SYNE1: variants seen among roughly 807,000 people sequenced by gnomAD.
SYNE1 encodes spectrin repeat containing nuclear envelope protein 1.
A neutral mutation model predicts 1,111.0 loss-of-function variants in SYNE1; 616 were observed. The observed-to-expected ratio is 0.55, with a 90% CI of 0.52 to 0.59. The LOEUF is 0.59. Among genes scored for constraint, SYNE1 ranks in the 20% least tolerant of loss-of-function variants. The pLI, the probability that SYNE1 is intolerant of heterozygous loss-of-function variation, is 0.00. For missense variants in SYNE1, 10,006 were observed against 10,417.0 expected (o/e 0.96, Z 1.72); for synonymous variants, 3,855 against 3,825.8 (o/e 1.01, Z -0.28).
intron 46 of SYNE1, among the ~76,000 whole-genome samples, chr6:152,401,859 G>A (rs1397383283): frequency 6.6e-6 from 1 of 152,030 alleles, no homozygotes; most frequent in Non-Finnish European, 1.5e-5. Flanking sequence ...GACTTCTATG[G>A]CCCCCTAGTT....
rs763330486 is a variant in SYNE1, at chr6:152,329,723, T to C, written c.14955+7A>G. On this transcript the variant is annotated splice_region_variant and intron_variant, in intron 78 of 145. Transcript: ENST00000367255. ...AAAAAAGAGAAGTGAAGTCCTATTA[T>C]ACCCACCTGTCTGGTGCGTAAGGCT... 3.7e-6 allele frequency: 6 copies of C among 1,614,218 alleles called. No homozygotes were observed. In the Admixed American group the frequency reaches 5.0e-5, roughly 13 times the overall value.
chr6:152,239,571 C>T lies in SYNE1; in HGVS notation c.20029G>A (p.Ala6677Thr). The T allele has an allele frequency of 6.2e-7, 1 of 1,614,184 alleles. No individual in the cohort carries two copies. The highest frequency in any genetic ancestry group is 8.5e-7 in the Non-Finnish European group (1 of 1,180,036). Residue 6677 changes from alanine to threonine, a missense_variant, in exon 108 of 146, where the codon GCT (alanine) becomes ACT (threonine). Coordinates refer to ENST00000367255, the MANE Select transcript of SYNE1 (RefSeq NM_182961.4). ...TCCAGCTCCACACCCCTCTTGTGAG[C>T]CCGTTTCAGTACAGCAGAAGCCTGA... is the stretch of plus-strand genomic sequence containing the variant. ...MAQASAVLKR[A>T]HKRGVELEYI...
chr6:152,196,796 G>T (rs1034467289), intron 127 of SYNE1, among the ~76,000 whole-genome samples: 1 of 152,002 alleles, frequency 6.6e-6, no homozygotes, highest in African/African-American at 2.4e-5. Flanking sequence ...GTGTCACCGG[G>T]TCATGTACCC....
chr6:152,415,968 T>C (rs2098147206), intron 41 of SYNE1, among the ~76,000 whole-genome samples: 1 of 152,136 alleles, frequency 6.6e-6, no homozygotes, highest in Non-Finnish European at 1.5e-5. Context: ...GGTTTATACC[T>C]TTCTCCAAAG....
chr6:152,339,481 G>A (rs1217003946), intron 74 of SYNE1, 115 bp from the exon 75 acceptor site: 18 of 1,432,520 alleles, frequency 1.3e-5, no homozygotes, highest in Non-Finnish European at 1.7e-5. Context: ...TATGCTCAGT[G>A]TTTTCACCAT....
chr6:152,354,545 A>G (rs941585107), intron 67 of SYNE1, 114 bp downstream of exon 67: 22 of 1,256,978 alleles, frequency 1.8e-5, no homozygotes, highest in Non-Finnish European at 2.4e-5. Context: ...TAGGTAATCA[A>G]AAAGATTTTG....
At chr6:152,356,853 T>C (rs1486738446) in intron 66 of SYNE1, among the ~76,000 whole-genome samples, 1 of 152,164 alleles carries the variant, frequency 6.6e-6, no homozygotes, top group Non-Finnish European at 1.5e-5. Flanking sequence ...CCGGCTTAAG[T>C]GAAATATTTT....
chr6:152,430,675 C>T lies in SYNE1; in HGVS notation c.4496G>A (p.Ser1499Asn). The T allele has an allele frequency of 1.2e-6, 2 of 1,614,096 alleles. No individual in the cohort carries two copies. Among genetic ancestry groups the T allele is most frequent in the Non-Finnish European group, 1.7e-6 (2 of 1,179,964 alleles). Residue 1499 changes from serine to asparagine, a missense_variant, in exon 35 of 146, where the codon AGC becomes AAC. Physicochemically the swap from Ser to Asn is conservative, Grantham distance 46. Transcript: ENST00000367255. Reference sequence around the variant, plus strand: ...GGCTTCTTCTTCTAATCCTACAATGCTGCTGAGCTTACTTTCTATTTCCTG... The same window carrying T: ...GGCTTCTTCTTCTAATCCTACAATGTTGCTGAGCTTACTTTCTATTTCCTG... ...TIQEIESKLS[S>N]IVGLEEEAQS...
intron 32 of SYNE1, among the ~76,000 whole-genome samples, chr6:152,439,281 TA>T (rs961875100): frequency 1.4e-4 from 22 of 152,292 alleles, no homozygotes; most frequent in Middle Eastern, 3.4e-3. Context: ...AATGGAATCA[TA>T]GGGGGTCAGA....
At position 152,369,621 on chromosome 6, in the gene SYNE1, G is replaced by A; in HGVS notation, c.9508-7C>T. 6.2e-7 allele frequency: 1 copy of A among 1,614,088 alleles called. No homozygotes were observed. The highest frequency in any genetic ancestry group is 1.3e-5 in the African/African-American group (1 of 75,026). On this transcript the variant is annotated splice_region_variant and splice_polypyrimidine_tract_variant and intron_variant, in intron 59 of 145. Transcript: ENST00000367255. ...TCATTTGGATCTTTAGATTCTGCAA[G>A]GTTTTAGATAGTGTCCAGGACAAGA...
intron 3 of SYNE1, among the ~76,000 whole-genome samples, chr6:152,596,981 G>A (rs2099583859): frequency 6.6e-6 from 1 of 152,090 alleles, no homozygotes; most frequent in South Asian, 2.1e-4. Flanking sequence ...GAAAATGTGG[G>A]CACTAAATTG....
At chr6:152,132,321 C>T (rs2055963588) in intron 143 of SYNE1, 107 bp from the exon 144 acceptor site, 2 of 971,000 alleles carry the variant, frequency 2.1e-6, no homozygotes, top group East Asian at 4.8e-5. Context: ...CCCATGTCTC[C>T]ACCATAAAAA....
In SYNE1 at chr6:152,509,255, T is replaced by C. The variant is rs1385645233; in HGVS notation, c.581+938A>G. On this transcript the variant is annotated intron_variant, in intron 8 of 145. Coordinates refer to ENST00000367255, the MANE Select transcript of SYNE1 (RefSeq NM_182961.4). ...TTTTTCTTTTTTCTTTTTCTTTTTT[T>C]TTTTTTTTTTTTTGAGATGGAGTCT... Among the ~76,000 whole-genome samples the C allele has an allele frequency of 4.4e-3, 638 of 143,400 alleles. 7 individuals carry two copies. The highest frequency in any genetic ancestry group is 0.015 in the African/African-American group (587 of 38,858). 94.1% of individuals were successfully genotyped at this position (143,400 alleles called of 152,430 possible).
rs191474464 is a variant in SYNE1, at chr6:152,474,443, G to A, written c.1351-2030C>T. On this transcript the variant is annotated intron_variant, in intron 14 of 145. Transcript: ENST00000367255. ...GCAAATATCTACACCACTGCTGAGA[G>A]AGATTGAGTCTTACAATGTGAACAG... Among the ~76,000 whole-genome samples the A allele has an allele frequency of 9.1e-4, 139 of 152,310 alleles. 1 individual carries two copies. Among genetic ancestry groups the A allele is most frequent in the African/African-American group, 3.0e-3 (123 of 41,570 alleles).
chr6:152,228,623 CAACAGT>C (rs1383173999), intron 115 of SYNE1, among the ~76,000 whole-genome samples: 1 of 152,116 alleles, frequency 6.6e-6, no homozygotes, highest in Non-Finnish European at 1.5e-5. Context: ...TTCAGTCTTT[CAACAGT>C]AAAGTTTATC....
At position 152,130,760 on chromosome 6, in the gene SYNE1, G is replaced by C; in HGVS notation, c.26113C>G (p.Leu8705Val). The C allele has an allele frequency of 6.2e-7, 1 of 1,614,128 alleles. No individual in the cohort carries two copies. ...RQKTPRGKCS[L>V]SQPGPSVSSP... is the part of the protein sequence containing the mutation. The stretch of plus-strand genomic sequence containing the variant: ...CTGACAGAGGGTCCAGGCTGTGAGA[G>C]ACTACACTTGCCTCGTGGCTGTTTG... Residue 8705 changes from leucine to valine, a missense_variant, in exon 145 of 146, where the codon CTC becomes GTC. Around this residue, in one of 7 missense-constraint regions of SYNE1, gnomAD observed 761 missense variants for 795.5 expected, o/e 0.96. Transcript: ENST00000367255.
chr6:152,603,340 T>A (rs954644102), intron 3 of SYNE1, among the ~76,000 whole-genome samples: 1 of 152,184 alleles, frequency 6.6e-6, no homozygotes, highest in South Asian at 2.1e-4. Context: ...ACATAATGAC[T>A]AAATTTGGCT....
rs1344308096 is a variant in SYNE1 at position 152,323,344 on chromosome 6, CAGG to C, written c.15917+131_15917+133del. 1.3e-4 allele frequency: 172 copies of C among 1,347,062 alleles called. 2 individuals carry two copies. The East Asian group carries it at 4.4e-3, about 34-fold the overall frequency. The allele number at this position is 1,347,062 out of a possible 1,614,324, so 83.4% of individuals were successfully genotyped here. On this transcript the variant is annotated intron_variant, in intron 82 of 145. Coordinates refer to ENST00000367255, the MANE Select transcript of SYNE1 (RefSeq NM_182961.4). ...TCCCAGCTACTCAGAGAGGCTGAGGCAGGAGAATGGCGTGAACCCGGGAGGCGG... is the reference window on the plus strand; with the variant it reads ...TCCCAGCTACTCAGAGAGGCTGAGGCAGAATGGCGTGAACCCGGGAGGCGG...
intron 111 of SYNE1, among the ~76,000 whole-genome samples, chr6:152,234,399 A>G (rs1471796293): frequency 6.6e-6 from 1 of 152,076 alleles, no homozygotes; most frequent in African/African-American, 2.4e-5. Context: ...GGTTCAAGCG[A>G]TTCTCCTGCC....
Sources: gnomAD v4.1 joint callset for allele counts (sites outside exome capture counted in the v4.1 genomes callset) on GRCh38, gnomAD v4.1.1 for gene constraint, gnomAD v4.1.1 regional missense constraint, MANE v1.5 for transcripts, NCBI Gene and HGNC (gene_info 2026-07-23, HGNC 2026-07-21) for gene names.